Variants in COL9A1 observed in about 807,000 individuals in gnomAD.
COL9A1 encodes collagen alpha-1(IX) chain.
COL9A1 carries 104 observed loss-of-function variants against 142.6 expected under a neutral mutation model. The observed-to-expected ratio is 0.73, with a 90% CI of 0.62 to 0.86. The LOEUF is 0.86. Ranked by LOEUF, COL9A1 falls within the 40% of genes least tolerant of loss-of-function variation. The pLI is 0.00. For synonymous variants in COL9A1, 466 were observed against 396.0 expected, an observed-to-expected ratio of 1.18 and a Z score of -2.10; for missense variants, 1,210 against 1,176.6, an observed-to-expected ratio of 1.03 and a Z score of -0.42.
At chr6:70,286,531 CA>C (rs1773458220) in intron 5 of COL9A1, among the ~76,000 whole-genome samples, 1 of 152,150 alleles carries the variant, frequency 6.6e-6, no homozygotes, top group South Asian at 2.1e-4. Context: ...TATAAAACAC[CA>C]AAAAACTAGC....
At chr6:70,259,223 T>G (rs1414783040) in intron 20 of COL9A1, among the ~76,000 whole-genome samples, 5 of 152,208 alleles carry the variant, frequency 3.3e-5, no homozygotes, top group African/African-American at 1.2e-4. Flanking sequence ...AAAGAAAAAT[T>G]TAATTTCATT....
At chr6:70,221,039 A>C (rs1253374376) in intron 37 of COL9A1, among the ~76,000 whole-genome samples, 1 of 152,190 alleles carries the variant, frequency 6.6e-6, no homozygotes, top group Non-Finnish European at 1.5e-5. Context: ...TCCCATAAAT[A>C]TGTATAACTA....
At chr6:70,254,395 A>G in intron 25 of COL9A1, 81 bp downstream of exon 25, 4 of 1,218,152 alleles carry the variant, frequency 3.3e-6, no homozygotes, top group Non-Finnish European at 4.9e-6. Context: ...TTATCAGATT[A>G]GGTAGCATGT....
At chr6:70,250,070 G>A (rs1387082435) in intron 28 of COL9A1, among the ~76,000 whole-genome samples, 1 of 152,138 alleles carries the variant, frequency 6.6e-6, no homozygotes, top group Non-Finnish European at 1.5e-5. Context: ...AAACCAGCCT[G>A]GGCAACATGG....
At position 70,242,014 on chromosome 6, in the gene COL9A1, G is replaced by C. The variant is rs1269618884; in HGVS notation, c.1948C>G (p.Leu650Val). Residue 650 changes from leucine (L) to valine (V), a missense_variant, in exon 30 of 38, where the codon CTC becomes GTC. Transcript: ENST00000357250. ...GKLGSLGSPG[L>V]PGLPGPPGLP... ...CCAGGGGGCCCAGGCAAGCCAGGGA[G>C]GCCAGGGCTACCCAGAGAACCCTGG... is the stretch of plus-strand genomic sequence containing the variant. The C allele has an allele frequency of 3.8e-6, 6 of 1,598,752 alleles. No homozygotes were observed. The highest frequency in any genetic ancestry group is 5.1e-6 in the Non-Finnish European group (6 of 1,171,474).
At chr6:70,244,801 CTT>C (rs149751899) in intron 28 of COL9A1, among the ~76,000 whole-genome samples, 6,009 of 152,134 alleles carry the variant, frequency 0.039, 411 homozygotes, top group African/African-American at 0.14. Flanking sequence ...CTGCTGGACT[CTT>C]ATTTTCTCTG....
rs199826863 is a variant in COL9A1, at chr6:70,262,121, AT to A, written c.1395+1122del. ...AATCTTTGGGAATGGCTTTTATAAA[AT>A]TTTTTTAAAAAACTTTAAATCCCTA... is the stretch of plus-strand genomic sequence containing the variant. On this transcript the variant is annotated intron_variant, in intron 19 of 37. Coordinates refer to ENST00000357250, the MANE Select transcript of COL9A1 (RefSeq NM_001851.6). Among the ~76,000 whole-genome samples the A allele has an allele frequency of 5.7e-4, 87 of 151,988 alleles. No individual in the cohort carries two copies. In the East Asian group the frequency reaches 0.016, roughly 27 times the overall value.
intron 5 of COL9A1, among the ~76,000 whole-genome samples, chr6:70,290,060 C>T (rs142021130): frequency 1.3e-5 from 2 of 152,196 alleles, no homozygotes; most frequent in Admixed American, 6.5e-5. Flanking sequence ...CGATTAATCA[C>T]GTTCCATGTT....
At chr6:70,276,207 G>A (rs1772751574) in intron 10 of COL9A1, among the ~76,000 whole-genome samples, 1 of 152,082 alleles carries the variant, frequency 6.6e-6, no homozygotes, top group South Asian at 2.1e-4. Flanking sequence ...TAGTTGCTAA[G>A]CACCTATGGT....
Position 70,263,307 on chromosome 6 carries a change from A to G in COL9A1, c.1342-10T>C, listed in dbSNP as rs756621499. On this transcript the variant is annotated splice_polypyrimidine_tract_variant and intron_variant, in intron 18 of 37. Coordinates refer to ENST00000357250, the MANE Select transcript of COL9A1 (RefSeq NM_001851.6). ...GGTCACCTTCTTCACCCTAAAGAAA[A>G]AAAAGAAAAAAGAAAAGCACACCAA... is the stretch of plus-strand genomic sequence containing the variant. 2 of 1,604,916 alleles carry G rather than the reference A, an allele frequency of 1.2e-6. No individual in the cohort carries two copies. The highest frequency in any genetic ancestry group is 2.3e-5 in the South Asian group (2 of 88,842).
chr6:70,274,847 T>G, intron 10 of COL9A1, 75 bp from the exon 11 acceptor site: 2 of 1,198,048 alleles, frequency 1.7e-6, no homozygotes, highest in Non-Finnish European at 2.5e-6. Flanking sequence ...AACTTTCATT[T>G]TATTTATTAA....
At chr6:70,280,387 G>A (rs142065934) in intron 10 of COL9A1, 29 of 1,171,122 alleles carry the variant, frequency 2.5e-5, no homozygotes, top group Non-Finnish European at 3.1e-5. Flanking sequence ...TTAATGCAGG[G>A]AGTGCCGGTG....
At chr6:70,220,414 GTGT>G (rs1768809618) in intron 37 of COL9A1, among the ~76,000 whole-genome samples, 1 of 139,738 alleles carries the variant, frequency 7.2e-6, no homozygotes, top group Non-Finnish European at 1.6e-5. Flanking sequence ...GTGTGTGTGT[GTGT>G]GGTCATTTTT....
intron 18 of COL9A1, among the ~76,000 whole-genome samples, chr6:70,264,607 A>T (rs540761318): frequency 6.6e-6 from 1 of 152,028 alleles, no homozygotes; most frequent in East Asian, 1.9e-4. Flanking sequence ...GTCCACTGAA[A>T]TTTTTCCATA....
At chr6:70,222,375 C>G (rs1484127395) in intron 37 of COL9A1, among the ~76,000 whole-genome samples, 2 of 152,156 alleles carry the variant, frequency 1.3e-5, no homozygotes, top group East Asian at 3.9e-4. Flanking sequence ...TGCATAAGCC[C>G]TGGCAGCCTG....
At chr6:70,220,980 A>G (rs1223459543) in intron 37 of COL9A1, among the ~76,000 whole-genome samples, 1 of 152,200 alleles carries the variant, frequency 6.6e-6, no homozygotes. Flanking sequence ...TATACTAATT[A>G]CCCTAATCTG....
chr6:70,242,427 G>T (rs886716521), intron 29 of COL9A1, among the ~76,000 whole-genome samples: 2 of 152,162 alleles, frequency 1.3e-5, no homozygotes, highest in Non-Finnish European at 2.9e-5. Flanking sequence ...GCCAAATGCA[G>T]CACTTCACAT....
intron 26 of COL9A1, among the ~76,000 whole-genome samples, 190 bp from the exon 27 acceptor site, chr6:70,252,505 CT>C (rs1484552881): frequency 1.3e-5 from 2 of 152,130 alleles, no homozygotes; most frequent in Admixed American, 1.3e-4. Flanking sequence ...AAGATATTGT[CT>C]GTGAGTCTGG....
At chr6:70,236,693 A>G (rs963313605) in intron 33 of COL9A1, among the ~76,000 whole-genome samples, 2 of 152,246 alleles carry the variant, frequency 1.3e-5, no homozygotes, top group African/African-American at 4.8e-5. Flanking sequence ...TCAACTTGCC[A>G]AAATTGCTTC....
Sources: allele counts gnomAD v4.1 joint callset (sites outside exome capture counted in the v4.1 genomes callset), GRCh38; gene constraint gnomAD v4.1.1; transcripts MANE v1.5; gene names NCBI Gene and HGNC (gene_info 2026-07-23, HGNC 2026-07-21).